NEIL3: variants seen among roughly 807,000 people sequenced by gnomAD.
The protein encoded by NEIL3 is nei like DNA glycosylase 3.
A neutral mutation model predicts 57.5 loss-of-function variants in NEIL3; 48 were observed. That is an observed-to-expected ratio of 0.83 (90% CI 0.66 to 1.06). NEIL3 has a LOEUF of 1.06. Ranked by LOEUF, NEIL3 falls within the 50% of genes least tolerant of loss-of-function variation. NEIL3 has a pLI of 0.00. For synonymous variants in NEIL3, 261 were observed against 253.2 expected (o/e 1.03, Z -0.29); for missense variants, 717 against 739.1 (o/e 0.97, Z 0.35).
rs149569425 is a variant in NEIL3 at position 177,362,191 on chromosome 4, G to A, written c.1636-98G>A. The A allele has an allele frequency of 1.6e-4, 127 of 771,090 alleles. 1 individual carries two copies. In the African/African-American group the frequency reaches 2.1e-3, roughly 13 times the overall value. The allele number at this position is 771,090 out of a possible 1,614,324, so 47.8% of individuals were successfully genotyped here. A position where few individuals can be genotyped will look rare whatever the true frequency, so the allele number is the denominator to read the frequency against. On this transcript the variant is annotated intron_variant, in intron 9 of 9. Coordinates refer to ENST00000264596, the MANE Select transcript of NEIL3 (RefSeq NM_018248.3). Reference sequence around the variant, plus strand: ...CAATGTCAAATTAATGATAACAGCAGTGAAGACTATATGGCACTAATCACA... The same window carrying A: ...CAATGTCAAATTAATGATAACAGCAATGAAGACTATATGGCACTAATCACA...
chr4:177,327,484 G>C (rs1734804561), intron 2 of NEIL3, among the ~76,000 whole-genome samples: 1 of 152,114 alleles, frequency 6.6e-6, no homozygotes, highest in South Asian at 2.1e-4. Flanking sequence ...TGTTACATAG[G>C]TGTACATGTG....
At chr4:177,322,703 C>A in intron 2 of NEIL3, 123 bp downstream of exon 2, 5 of 1,058,782 alleles carry the variant, frequency 4.7e-6, no homozygotes, top group Non-Finnish European at 5.5e-6. Context: ...AAGAGAGCTC[C>A]AATATGAGAG....
At chr4:177,337,837 G>A (rs1452848929) in intron 4 of NEIL3, among the ~76,000 whole-genome samples, 1 of 152,146 alleles carries the variant, frequency 6.6e-6, no homozygotes, top group African/African-American at 2.4e-5. Context: ...TGGCCAACAT[G>A]GTGAAACCCT....
chr4:177,340,126 T>C (rs941707207), intron 5 of NEIL3, among the ~76,000 whole-genome samples: 10 of 152,210 alleles, frequency 6.6e-5, no homozygotes, highest in Admixed American at 5.2e-4. Flanking sequence ...TCTTTTTCTA[T>C]TTTTGGATAC....
rs981796643 is a variant in NEIL3 at position 177,353,923 on chromosome 4, G to A, written c.1460+195G>A. 54 of 549,074 alleles carry A rather than the reference G, an allele frequency of 9.8e-5. No individual in the cohort carries two copies. In the African/African-American group the frequency reaches 1.0e-3, roughly 10 times the overall value. The allele number at this position is 549,074 out of a possible 1,614,324, so 34.0% of individuals were successfully genotyped here. ...TGAGATTACAGGCACATGCCATCAG[G>A]CCCGACTAATTTTTGTATTTTCAGT... On this transcript the variant is annotated intron_variant, in intron 8 of 9. Coordinates refer to ENST00000264596, the MANE Select transcript of NEIL3 (RefSeq NM_018248.3).
chr4:177,330,191 C>A (rs990895877), intron 2 of NEIL3, among the ~76,000 whole-genome samples: 1 of 152,056 alleles, frequency 6.6e-6, no homozygotes, highest in Non-Finnish European at 1.5e-5. Context: ...GGATTACAGG[C>A]GTGAGCCACT....
chr4:177,314,289 G>T (rs947010118), intron 1 of NEIL3, among the ~76,000 whole-genome samples: 16 of 152,166 alleles, frequency 1.1e-4, no homozygotes, highest in Admixed American at 1.0e-3. Flanking sequence ...AAAAGGGGAG[G>T]TGATTTTCCA....
chr4:177,331,362 T>C (rs1734881550), intron 2 of NEIL3, among the ~76,000 whole-genome samples: 1 of 151,970 alleles, frequency 6.6e-6, no homozygotes, highest in South Asian at 2.1e-4. Flanking sequence ...CCTGCTATCA[T>C]GTATTTTGGT....
At chr4:177,349,034 A>ATTTTTTTTTTTTTT (rs70938582) in intron 6 of NEIL3, among the ~76,000 whole-genome samples, 17 of 100,422 alleles carry the variant, frequency 1.7e-4, no homozygotes, top group Admixed American at 2.2e-4. Flanking sequence ...CACCTGGCTA[A>ATTTTTTTTTTTTTT]TTTTTTTTTT....
chr4:177,323,286 A>C (rs534741952), intron 2 of NEIL3, among the ~76,000 whole-genome samples: 11 of 152,324 alleles, frequency 7.2e-5, no homozygotes, highest in Admixed American at 6.5e-4. Flanking sequence ...AGCTTTTGCC[A>C]ACTGTAAAAA....
intron 1 of NEIL3, among the ~76,000 whole-genome samples, chr4:177,320,710 G>T (rs540443182): frequency 1.3e-5 from 2 of 151,384 alleles, no homozygotes; most frequent in Non-Finnish European, 2.9e-5. Flanking sequence ...CTCGTGATCC[G>T]CCCGCCTCGA....
rs570648896 is a variant in NEIL3, at chr4:177,319,480, T to TG, written c.157-2974dup. ...CTTATTTTTAATTACAGTAGGCTTT[T>TG]GGGGGAACAAGTGGTGTTTGGTTAC... On this transcript the variant is annotated intron_variant, in intron 1 of 9. Coordinates refer to ENST00000264596, the MANE Select transcript of NEIL3 (RefSeq NM_018248.3). 7.8e-3 allele frequency among the ~76,000 whole-genome samples: 1,193 copies of TG among 152,244 alleles called. 9 individuals carry two copies. The highest frequency in any genetic ancestry group is 0.011 in the Non-Finnish European group (753 of 68,010).
chr4:177,313,378 C>T (rs1560905919), intron 1 of NEIL3, among the ~76,000 whole-genome samples: 1 of 152,140 alleles, frequency 6.6e-6, no homozygotes. Flanking sequence ...TTTGAGAAAA[C>T]CTAGCCATAG....
At position 177,341,511 on chromosome 4, in the gene NEIL3, T is replaced by C. The variant is rs578083407; in HGVS notation, c.738T>C (p.Tyr246=). ...CAGGACTTGCTCTCTCTAAACACTA[T>C]AAGGTTTACAAGCGTCCTAATTGTG... The part of the protein sequence containing the change: ...RKAGLALSKH[Y]KVYKRPNCGQ... The change falls in exon 6 of 10, where the codon TAT becomes TAC. Residue 246 remains tyrosine (Y), a synonymous_variant. Coordinates refer to ENST00000264596, the MANE Select transcript of NEIL3 (RefSeq NM_018248.3). The C allele has an allele frequency of 2.5e-6, 4 of 1,612,546 alleles. No individual in the cohort carries two copies. The South Asian group carries it at 3.3e-5, about 13-fold the overall frequency.
chr4:177,338,422 G>A (rs967138583), intron 4 of NEIL3, among the ~76,000 whole-genome samples: 1 of 152,090 alleles, frequency 6.6e-6, no homozygotes, highest in Non-Finnish European at 1.5e-5. Context: ...CAAAAAGTCA[G>A]CCCTACACAC....
intron 1 of NEIL3, among the ~76,000 whole-genome samples, chr4:177,311,282 C>T (rs1734470820): frequency 6.6e-6 from 1 of 151,990 alleles, no homozygotes; most frequent in Non-Finnish European, 1.5e-5. Flanking sequence ...TAAATAATCA[C>T]CTAAAGAAAT....
chr4:177,314,594 C>A (rs1387489935), intron 1 of NEIL3, among the ~76,000 whole-genome samples: 2 of 152,130 alleles, frequency 1.3e-5, no homozygotes, highest in Non-Finnish European at 2.9e-5. Flanking sequence ...GGTTTGTAAT[C>A]ATTTGGTGCC....
intron 2 of NEIL3, among the ~76,000 whole-genome samples, chr4:177,334,186 G>A (rs1341048898): frequency 6.6e-6 from 1 of 150,952 alleles, no homozygotes; most frequent in Non-Finnish European, 1.5e-5. Flanking sequence ...CAGTATAGAT[G>A]TTTACTGTGC....
At chr4:177,347,193 G>T (rs1349753834) in intron 6 of NEIL3, among the ~76,000 whole-genome samples, 1 of 152,040 alleles carries the variant, frequency 6.6e-6, no homozygotes, top group Non-Finnish European at 1.5e-5. Context: ...TTGATGACTT[G>T]TAGCAATCTG....
Sources: gnomAD v4.1 joint callset for allele counts (sites outside exome capture counted in the v4.1 genomes callset) on GRCh38, gnomAD v4.1.1 for gene constraint, MANE v1.5 for transcripts, NCBI Gene and HGNC (gene_info 2026-07-23, HGNC 2026-07-21) for gene names.